Variants in PTCHD4 observed in about 807,000 individuals in gnomAD.
PTCHD4 encodes the protein patched domain-containing protein 4.
A neutral mutation model predicts 58.1 loss-of-function variants in PTCHD4; 33 were observed. The observed-to-expected ratio is 0.57, with a 90% CI of 0.43 to 0.76. The LOEUF (loss-of-function observed/expected upper bound fraction) is 0.76, where lower values mean the gene tolerates loss of function less well. Among genes scored for constraint, PTCHD4 ranks in the 30% least tolerant of loss-of-function variants. The probability of loss-of-function intolerance (pLI) is 0.00; values close to 1 mark genes in which losing one functional copy is unlikely to be tolerated. For synonymous variants in PTCHD4, 478 were observed against 409.6 expected, an observed-to-expected ratio of 1.17 and a Z score of -2.02; for missense variants, 1,058 against 1,027.1, an observed-to-expected ratio of 1.03 and a Z score of -0.41.
chr6:48,095,247 G>T (rs1388706240), intron 1 of PTCHD4, among the ~76,000 whole-genome samples: 1 of 152,120 alleles, frequency 6.6e-6, no homozygotes, highest in African/African-American at 2.4e-5. Context: ...ATGTATAAAT[G>T]AAAATCCATT....
intron 4 of PTCHD4, among the ~76,000 whole-genome samples, chr6:47,941,421 G>A (rs1766219332): frequency 6.6e-6 from 1 of 152,098 alleles, no homozygotes; most frequent in African/African-American, 2.4e-5. Flanking sequence ...GAAGCTCCCA[G>A]TTGCCTATAT....
intron 4 of PTCHD4, among the ~76,000 whole-genome samples, chr6:47,993,443 T>C (rs1182449667): frequency 6.6e-6 from 1 of 152,160 alleles, no homozygotes; most frequent in South Asian, 2.1e-4. Flanking sequence ...CTAGGAATTA[T>C]AAAAGTAGGT....
chr6:48,055,203 T>A (rs587599), intron 3 of PTCHD4, among the ~76,000 whole-genome samples: 21,921 of 152,126 alleles, frequency 0.14, 1,597 homozygotes, highest in South Asian at 0.19. Context: ...TAAGTGGGTC[T>A]GATTGTCAAT....
At chr6:47,897,714 G>T (rs1002293924) in intron 4 of PTCHD4, among the ~76,000 whole-genome samples, 2 of 152,136 alleles carry the variant, frequency 1.3e-5, no homozygotes, top group Non-Finnish European at 2.9e-5. Flanking sequence ...TTATAAGGAT[G>T]ACAGCTTAAC....
chr6:47,938,335 A>G (rs1766087678), intron 4 of PTCHD4, among the ~76,000 whole-genome samples: 1 of 152,176 alleles, frequency 6.6e-6, no homozygotes, highest in Non-Finnish European at 1.5e-5. Context: ...TGTATGTCTA[A>G]CAATTTTTCA....
chr6:48,059,311 A>T (rs1216713659), intron 3 of PTCHD4, among the ~76,000 whole-genome samples: 19 of 152,176 alleles, frequency 1.2e-4, no homozygotes, highest in Admixed American at 1.2e-3. Context: ...TCAATACTGT[A>T]AGGTAAGGGC....
intron 4 of PTCHD4, among the ~76,000 whole-genome samples, chr6:47,950,871 T>C (rs1766619591): frequency 6.6e-6 from 1 of 152,084 alleles, no homozygotes; most frequent in Admixed American, 6.5e-5. Context: ...CTGGTTAGTA[T>C]CAAAAACTCA....
intron 4 of PTCHD4, among the ~76,000 whole-genome samples, chr6:47,892,177 G>GCAATGGAATGGAATAATTATTC (rs1216045890): frequency 3.9e-5 from 6 of 152,152 alleles, no homozygotes; most frequent in Non-Finnish European, 8.8e-5. Context: ...GCAGAGAAGA[G>GCAATGGAATGGAATAATTATTC]CAATGAATGG....
intron 1 of PTCHD4, among the ~76,000 whole-genome samples, chr6:48,081,013 A>T (rs1765157590): frequency 6.6e-6 from 1 of 152,236 alleles, no homozygotes; most frequent in South Asian, 2.1e-4. Context: ...GGGCAGAAGT[A>T]GCAAAAGACA....
chr6:48,101,486 A>G (rs944949557), intron 1 of PTCHD4, among the ~76,000 whole-genome samples: 2 of 152,230 alleles, frequency 1.3e-5, no homozygotes, highest in Non-Finnish European at 2.9e-5. Flanking sequence ...TCAAGCCAAT[A>G]TAACTATAAT....
At chr6:47,930,583 A>G (rs1462293348) in intron 4 of PTCHD4, among the ~76,000 whole-genome samples, 1 of 152,212 alleles carries the variant, frequency 6.6e-6, no homozygotes, top group Admixed American at 6.5e-5. Flanking sequence ...CTAAAAAAAT[A>G]AAGTTCATAA....
Position 47,871,152 on chromosome 6 carries a change from G to C in PTCHD4, c.*7151C>G, listed in dbSNP as rs1179505684. 1.3e-5 allele frequency among the ~76,000 whole-genome samples: 2 copies of C among 151,590 alleles called. No homozygotes were observed. The highest frequency in any genetic ancestry group is 3.0e-5 in the Non-Finnish European group (2 of 67,708). On this transcript the variant is annotated 3_prime_UTR_variant, in exon 5 of 5. Transcript: ENST00000339488. ...TCATTTCTACAATTTGTCTATGCAT[G>C]GGTGAAGACTGTTTCTCCCTAGGAG...
intron 3 of PTCHD4, among the ~76,000 whole-genome samples, chr6:48,017,518 G>A (rs756682932): frequency 1.5e-4 from 23 of 152,146 alleles, no homozygotes; most frequent in Non-Finnish European, 3.2e-4. Flanking sequence ...TATAAAATAA[G>A]TTTAAAAGAG....
intron 4 of PTCHD4, among the ~76,000 whole-genome samples, chr6:47,937,945 G>A (rs1436212140): frequency 6.6e-6 from 1 of 152,128 alleles, no homozygotes; most frequent in Admixed American, 6.5e-5. Context: ...CTGAGGTCAG[G>A]AGTTCAAGAA....
At chr6:48,067,744 C>T (rs904601742) in intron 3 of PTCHD4, among the ~76,000 whole-genome samples, 15 of 152,198 alleles carry the variant, frequency 9.9e-5, no homozygotes, top group African/African-American at 2.7e-4. Context: ...TCCCCCTCCC[C>T]CTTCCATTCA....
At chr6:47,963,451 A>G (rs1767173769) in intron 4 of PTCHD4, among the ~76,000 whole-genome samples, 1 of 152,208 alleles carries the variant, frequency 6.6e-6, no homozygotes, top group Non-Finnish European at 1.5e-5. Context: ...TAAAAATAGA[A>G]CTACTATATG....
intron 4 of PTCHD4, among the ~76,000 whole-genome samples, chr6:47,909,777 C>G (rs544599083): frequency 1.3e-5 from 2 of 151,502 alleles, no homozygotes; most frequent in South Asian, 2.1e-4. Context: ...TTTAGATTTT[C>G]TTGGCCAAGT....
At chr6:47,999,297 G>C (rs547909266) in intron 4 of PTCHD4, among the ~76,000 whole-genome samples, 19 of 152,258 alleles carry the variant, frequency 1.2e-4, no homozygotes, top group Admixed American at 5.9e-4. Flanking sequence ...ATAAGCATGG[G>C]AATATTTTCA....
intron 3 of PTCHD4, among the ~76,000 whole-genome samples, chr6:48,011,655 T>A (rs1430521418): frequency 6.6e-6 from 1 of 152,228 alleles, no homozygotes; most frequent in African/African-American, 2.4e-5. Flanking sequence ...CCCATGCCTA[T>A]GTCCTGAATG....
Sources: gnomAD v4.1 joint callset for allele counts (sites outside exome capture counted in the v4.1 genomes callset) on GRCh38, gnomAD v4.1.1 for gene constraint, MANE v1.5 for transcripts, NCBI Gene and HGNC (gene_info 2026-07-23, HGNC 2026-07-21) for gene names.